RIF1: variants seen among roughly 807,000 people sequenced by gnomAD.
RIF1 encodes replication timing regulatory factor 1, also known as telomere-associated protein RIF1.
Under a neutral mutation model 247.1 loss-of-function variants are expected in RIF1, and 45 were observed. The observed-to-expected ratio is 0.18, with a 90% CI of 0.14 to 0.23. RIF1 has a LOEUF of 0.23. Ranked by LOEUF, RIF1 falls within the 10% of genes least tolerant of loss-of-function variation. The pLI is 1.00. For synonymous variants in RIF1, 1,087 were observed against 978.8 expected (o/e 1.11, Z -2.06); for missense variants, 2,967 against 2,862.5 (o/e 1.04, Z -0.83).
At position 151,449,292 on chromosome 2, in the gene RIF1, C is replaced by T. The variant is rs186286839; in HGVS notation, c.2245-2314C>T. Among the ~76,000 whole-genome samples, 26 of 152,132 alleles carry T rather than the reference C, an allele frequency of 1.7e-4. No individual in the cohort carries two copies. In the East Asian group the frequency reaches 4.4e-3, roughly 26 times the overall value. ...ATGTTTTTTTCTGCATGTATATCTT[C>T]ATTAGTGATATTGGAGTTCTCATTG... On this transcript the variant is annotated intron_variant, in intron 20 of 35. Transcript: ENST00000444746.
the RIF1 span, chr2:151,516,362 C>T: frequency 1.4e-6 from 1 of 721,472 alleles, no homozygotes; most frequent in Non-Finnish European, 2.3e-6. Flanking sequence ...CATCAGCTAC[C>T]ACTTTTGGAT....
chr2:151,438,596 A>T, intron 13 of RIF1, 88 bp from the exon 14 acceptor site: 1 of 812,490 alleles, frequency 1.2e-6, no homozygotes, highest in Non-Finnish European at 2.2e-6. Context: ...TTATTTGTTT[A>T]ATGTAAGGAA....
rs753406390 is a variant in RIF1, at chr2:151,460,060, A to G, written c.3016A>G (p.Arg1006Gly). The change falls in exon 26 of 36, where the codon AGA (arginine) becomes GGA (glycine). Residue 1006 changes from arginine to glycine, a missense_variant. Physicochemically the swap from Arg to Gly is moderately radical, Grantham distance 125. Around this residue, in one of 7 missense-constraint regions of RIF1, gnomAD observed 2,028 missense variants for 1,825.6 expected, o/e 1.11. Coordinates refer to ENST00000444746, the MANE Select transcript of RIF1 (RefSeq NM_018151.5). ...SGMERKSNGK[R>G]DSFLAQTKNK... ...CATGGAGAGAAAATCAAATGGAAAA[A>G]GAGATTCATTTTTGGCACAAACAAA... 6.4e-7 allele frequency: 1 copy of G among 1,573,838 alleles called. No individual in the cohort carries two copies.
chr2:151,454,871 A>G (rs1172612901), intron 21 of RIF1, 24 bp from the exon 22 acceptor site: 2 of 1,531,124 alleles, frequency 1.3e-6, no homozygotes, highest in African/African-American at 2.8e-5. Flanking sequence ...TTGAGTTTTT[A>G]ATTAATTCAG....
At chr2:151,440,004 C>G (rs200173072) in intron 14 of RIF1, 23 bp from the exon 15 acceptor site, 56 of 666,380 alleles carry the variant, frequency 8.4e-5, no homozygotes, top group Non-Finnish European at 1.3e-4. Flanking sequence ...AAGAACTATA[C>G]CCTTCTTTTT....
intron 13 of RIF1, among the ~76,000 whole-genome samples, chr2:151,438,481 AT>A (rs1382291323): frequency 6.6e-6 from 1 of 152,244 alleles, no homozygotes; most frequent in East Asian, 1.9e-4. Flanking sequence ...TCTGAAAAAA[AT>A]AAACCATATT....
At chr2:151,488,194 T>C (rs951238933) in intron 9 of RIF1, among the ~76,000 whole-genome samples, 11 of 152,274 alleles carry the variant, frequency 7.2e-5, no homozygotes, top group African/African-American at 2.2e-4. Context: ...TTTTTCAATA[T>C]TAATATTTTT....
chr2:151,466,147 G>A (rs1212569463), intron 30 of RIF1, 27 bp downstream of exon 30: 1 of 1,386,570 alleles, frequency 7.2e-7, no homozygotes, highest in Admixed American at 2.2e-5. Flanking sequence ...TAAATATTAA[G>A]GAACCCAGTA....
rs771304676 is a variant in RIF1 at position 151,410,508 on chromosome 2, G to A, written c.85G>A (p.Ala29Thr). The change falls in exon 2 of 36, where the codon GCT (alanine) becomes ACT (threonine). Residue 29 changes from alanine (A) to threonine (T), a missense_variant. Ala to Thr is a moderately conservative substitution (Grantham distance 58). Around this residue, in one of 7 missense-constraint regions of RIF1, gnomAD observed 269 missense variants for 288.6 expected, o/e 0.93. Transcript: ENST00000444746. ...TGCCTCCCATGGAGGGCAGACTGAC[G>A]CTTACCTGACTCTGACCAGGTGAGG... is the stretch of plus-strand genomic sequence containing the variant. ...PSASHGGQTD[A>T]YLTLTSRMTG... 3 of 1,613,894 alleles carry A rather than the reference G, an allele frequency of 1.9e-6. No individual in the cohort carries two copies. The highest frequency in any genetic ancestry group is 2.2e-5 in the South Asian group (2 of 91,002).
chr2:151,508,661 A>G (rs567259977), downstream of RIF1, among the ~76,000 whole-genome samples: 2 of 152,352 alleles, frequency 1.3e-5, no homozygotes, highest in East Asian at 3.9e-4. Flanking sequence ...TTTCCAGAAT[A>G]TGGCTCTTGA....
the RIF1 span, among the ~76,000 whole-genome samples, chr2:151,532,896 A>G: frequency 3.9e-5 from 6 of 152,150 alleles, no homozygotes; most frequent in Admixed American, 6.5e-5. Flanking sequence ...AGGCATTATT[A>G]TCAGAGACAC....
Position 151,468,699 on chromosome 2 carries a change from T to A in RIF1, c.6884T>A (p.Leu2295Ter). Reference protein sequence around the residue: ...PCPTESVYPPLVNCVAPVDII... With the variant: ...PCPTESVYPP ...CCAACAGAAAGTGTTTACCCACCAT[T>A]GGTGAACTGTGTGGCACCAGTTGAC... Residue 2295 changes from leucine (L) to a stop codon, truncating the protein, a stop_gained, in exon 33 of 36, where the codon TTG becomes TAG. Transcript: ENST00000444746. LOFTEE classifies it high-confidence loss of function. 6.2e-7 allele frequency: 1 copy of A among 1,614,064 alleles called. No homozygotes were observed. Among genetic ancestry groups the A allele is most frequent in the Non-Finnish European group, 8.5e-7 (1 of 1,179,908 alleles).
rs1159788361 is a variant in RIF1 at position 151,464,057 on chromosome 2, T to C, written c.4537T>C (p.Ser1513Pro). Residue 1513 changes from serine to proline, a missense_variant, in exon 30 of 36, where the codon TCT becomes CCT. Physicochemically the swap from Ser to Pro is moderately conservative, Grantham distance 74. This residue lies in a region of RIF1 where 2,028 missense variants were observed against 1,825.6 expected (regional missense o/e 1.11). Coordinates refer to ENST00000444746, the MANE Select transcript of RIF1 (RefSeq NM_018151.5). ...AAAGGCAGACCCTGAGAACATTAAG[T>C]CTGAGGGGGATGGTACCCAGGACAT... The part of the protein sequence containing the change: ...KKKADPENIK[S>P]EGDGTQDIVD... 2.7e-5 allele frequency: 43 copies of C among 1,612,700 alleles called. No homozygotes were observed. The highest frequency in any genetic ancestry group is 3.6e-5 in the Non-Finnish European group (43 of 1,179,712).
At position 151,420,077 on chromosome 2, in the gene RIF1, TATTCTAA is replaced by T. The variant is rs1687915028; in HGVS notation, c.504-111_504-105del. ...TTGTGTGTATATGCATATTTGTATA[TATTCTAA>T]AACAAATGGGCCGTACTGTGTATAT... On this transcript the variant is annotated intron_variant, in intron 6 of 35. Coordinates refer to ENST00000444746, the MANE Select transcript of RIF1 (RefSeq NM_018151.5). The T allele has an allele frequency of 2.7e-5, 22 of 809,840 alleles. No homozygotes were observed. In the South Asian group the frequency reaches 4.2e-4, roughly 16 times the overall value. 50.2% of individuals were successfully genotyped at this position (809,840 alleles called of 1,614,324 possible).
chr2:151,447,594 T>G (rs915604787), intron 20 of RIF1, among the ~76,000 whole-genome samples: 5 of 152,062 alleles, frequency 3.3e-5, no homozygotes, highest in African/African-American at 1.2e-4. Flanking sequence ...TGCGCAGGCT[T>G]GAGTGCAGTG....
At chr2:151,489,216 G>C (rs2053969973) in intron 9 of RIF1, among the ~76,000 whole-genome samples, 1 of 152,174 alleles carries the variant, frequency 6.6e-6, no homozygotes, top group Admixed American at 6.5e-5. Context: ...TACAAAGATT[G>C]TTCATATCAA....
In RIF1 at chr2:151,465,839, A is replaced by G; in HGVS notation, c.6319A>G (p.Ser2107Gly). The change falls in exon 30 of 36, where the codon AGT becomes GGT. Residue 2107 changes from serine (S) to glycine (G), a missense_variant. Around this residue, in one of 7 missense-constraint regions of RIF1, gnomAD observed 2,028 missense variants for 1,825.6 expected, o/e 1.11. Transcript: ENST00000444746. ...AGATAACAATCAAATGGTAATGGAA[A>G]GTGATATTTTACAGGAAGATCACCA... Reference protein sequence around the residue: ...KLDNNQMVMESDILQEDHHTS... With the variant: ...KLDNNQMVMEGDILQEDHHTS... 1.9e-6 allele frequency: 3 copies of G among 1,613,358 alleles called. No homozygotes were observed. The highest frequency in any genetic ancestry group is 2.5e-6 in the Non-Finnish European group (3 of 1,179,248).
the RIF1 span, chr2:151,525,929 T>C: frequency 6.4e-7 from 1 of 1,563,608 alleles, no homozygotes; most frequent in Non-Finnish European, 8.8e-7. Flanking sequence ...GCATTGTTGC[T>C]GCCAAGAGAC....
intron 12 of RIF1, chr2:151,503,358 G>A: frequency 6.2e-7 from 1 of 1,608,766 alleles, no homozygotes; most frequent in South Asian, 1.1e-5. Flanking sequence ...CCGAGCTAAA[G>A]TTCTCTTGAT....
Sources: gnomAD v4.1 joint callset for allele counts (sites outside exome capture counted in the v4.1 genomes callset) on GRCh38, gnomAD v4.1.1 for gene constraint, gnomAD v4.1.1 regional missense constraint, MANE v1.5 for transcripts, NCBI Gene and HGNC (gene_info 2026-07-23, HGNC 2026-07-21) for gene names.